Variants in DST observed in about 807,000 individuals in gnomAD.
DST encodes the protein bullous pemphigoid antigen.
A neutral mutation model predicts 875.2 loss-of-function variants in DST; 253 were observed. The observed-to-expected ratio is 0.29, with a 90% CI of 0.26 to 0.32. DST has a LOEUF of 0.32. Among genes scored for constraint, DST ranks in the 10% least tolerant of loss-of-function variants. DST has a pLI of 1.00. For missense variants in DST, 8,287 were observed against 9,111.6 expected (o/e 0.91, Z 3.68); for synonymous variants, 3,124 against 3,197.1 (o/e 0.98, Z 0.77).
intron 4 of DST, among the ~76,000 whole-genome samples, chr6:56,757,685 G>T (rs771306412): frequency 4.6e-5 from 7 of 152,148 alleles, no homozygotes; most frequent in Non-Finnish European, 7.4e-5. Context: ...TGAGCCCCTT[G>T]CCCCTTCTTC....
intron 69 of DST, among the ~76,000 whole-genome samples, chr6:56,522,095 T>C (rs1160850436): frequency 2.6e-5 from 4 of 152,142 alleles, no homozygotes; most frequent in Non-Finnish European, 5.9e-5. Context: ...GTGCAAGACA[T>C]TTTAAGTAGC....
At chr6:56,586,306 A>G (rs2098147232) in intron 49 of DST, among the ~76,000 whole-genome samples, 1 of 151,596 alleles carries the variant, frequency 6.6e-6, no homozygotes, top group African/African-American at 2.4e-5. Flanking sequence ...TATATTTAGG[A>G]TAGTTAGCTC....
chr6:56,590,342 T>C (rs1346460380), intron 49 of DST, among the ~76,000 whole-genome samples: 2 of 152,212 alleles, frequency 1.3e-5, no homozygotes, highest in African/African-American at 4.8e-5. Context: ...ATTACTTTTA[T>C]ATGCAGTATA....
intron 68 of DST, among the ~76,000 whole-genome samples, chr6:56,526,775 C>CAATT (rs1372472579): frequency 1.3e-5 from 2 of 149,008 alleles, no homozygotes; most frequent in Non-Finnish European, 1.5e-5. Flanking sequence ...GTTCAAAGAA[C>CAATT]AATTCATTTG....
rs1178322750 is a variant in DST at position 56,463,108 on chromosome 6, T to C, written c.23008A>G (p.Ser7670Gly). ...GCTTTACAAGGAGTTGACATTTTGCTGTTTGTCAACCATGGTTTACCATAA... is the reference window on the plus strand; with the variant it reads ...GCTTTACAAGGAGTTGACATTTTGCCGTTTGTCAACCATGGTTTACCATAA... ...RNYGKPWLTN[S>G]KMSTPCKAAE... is the part of the protein sequence containing the mutation. Residue 7670 changes from serine to glycine, a missense_variant, in exon 102 of 104, where the codon AGC (serine) becomes GGC (glycine). Around this residue, in one of 10 missense-constraint regions of DST, gnomAD observed 240 missense variants for 237.3 expected, o/e 1.01. Transcript: ENST00000680361. 6.2e-7 allele frequency: 1 copy of C among 1,613,738 alleles called. No individual in the cohort carries two copies. The highest frequency in any genetic ancestry group is 8.5e-7 in the Non-Finnish European group (1 of 1,179,792).
At chr6:56,877,396 A>T (rs1780046853) in intron 3 of DST, among the ~76,000 whole-genome samples, 1 of 152,170 alleles carries the variant, frequency 6.6e-6, no homozygotes, top group Non-Finnish European at 1.5e-5. Context: ...TCTACTAAAA[A>T]ATACAAAAAA....
intron 86 of DST, among the ~76,000 whole-genome samples, chr6:56,488,061 T>C (rs989889636): frequency 1.2e-4 from 18 of 152,188 alleles, no homozygotes; most frequent in South Asian, 2.1e-4. Context: ...TCATGGGTAA[T>C]AGGCAACTAC....
chr6:56,740,547 C>T (rs1307712756), intron 4 of DST, among the ~76,000 whole-genome samples: 2 of 152,212 alleles, frequency 1.3e-5, no homozygotes. Flanking sequence ...CTGACTTAAT[C>T]ATTTAACATT....
Position 56,946,119 on chromosome 6 carries a change from A to G in DST, c.216+7666T>C, listed in dbSNP as rs1819367393. On this transcript the variant is annotated intron_variant, in intron 2 of 103. Transcript: ENST00000680361. ...CCAAGACAGGGAATATCAAGTTATAAGTAGGAAGAGGATTCAGTGCAGAAA... is the reference window on the plus strand; with the variant it reads ...CCAAGACAGGGAATATCAAGTTATAGGTAGGAAGAGGATTCAGTGCAGAAA... 2.0e-5 allele frequency among the ~76,000 whole-genome samples: 3 copies of G among 152,134 alleles called. No individual in the cohort carries two copies. In the South Asian group the frequency reaches 6.2e-4, roughly 32 times the overall value.
rs376647921 is a variant in DST at position 56,561,484 on chromosome 6, G to A, written c.14134C>T (p.Leu4712Phe). 23 of 1,613,722 alleles carry A rather than the reference G, an allele frequency of 1.4e-5. No homozygotes were observed. The East Asian group carries it at 4.9e-4, about 34-fold the overall frequency. The change falls in exon 57 of 104, where the codon CTC becomes TTC. Residue 4712 changes from leucine (L) to phenylalanine (F), a missense_variant. Around this residue, in one of 10 missense-constraint regions of DST, gnomAD observed 1,513 missense variants for 1,677.8 expected, o/e 0.90. Transcript: ENST00000680361. ...TTCAGTTCCGCTATTTTGTCCTTGAGTAAGAGGCCAAGATCTTCATAACCA... is the reference window on the plus strand; with the variant it reads ...TTCAGTTCCGCTATTTTGTCCTTGAATAAGAGGCCAAGATCTTCATAACCA... ...SHGYEDLGLL[L>F]KDKIAELNTK...
Position 56,620,674 on chromosome 6 carries a change from T to G in DST, c.4929+3856A>C, listed in dbSNP as rs772863390. 3.1e-6 allele frequency: 5 copies of G among 1,614,162 alleles called. No individual in the cohort carries two copies. Among genetic ancestry groups the G allele is most frequent in the Non-Finnish European group, 4.2e-6 (5 of 1,180,032 alleles). ...TTGCCTTCTGACGCTGAAGCAGATC[T>G]GAATATGCCCCATGTTCAGAAGTCT... On this transcript the variant is annotated intron_variant, in intron 36 of 103. Coordinates refer to ENST00000680361, the MANE Select transcript of DST (RefSeq NM_001374736.1).
rs2098659592 is a variant in DST at position 56,619,048 on chromosome 6, T to C, written c.4930-4564A>G. On this transcript the variant is annotated intron_variant, in intron 36 of 103. Coordinates refer to ENST00000680361, the MANE Select transcript of DST (RefSeq NM_001374736.1). The stretch of plus-strand genomic sequence containing the variant: ...TCTGTTGGTCACACTTTTGCTTAAA[T>C]TCACTTACCAAATTTTGACTTTTCG... The C allele has an allele frequency of 1.2e-6, 2 of 1,614,188 alleles. No individual in the cohort carries two copies. Among genetic ancestry groups the C allele is most frequent in the Admixed American group, 3.3e-5 (2 of 60,022 alleles).
intron 4 of DST, among the ~76,000 whole-genome samples, chr6:56,821,667 T>G (rs1047025214): frequency 6.6e-6 from 1 of 152,212 alleles, no homozygotes; most frequent in Admixed American, 6.5e-5. Context: ...AAATGTACTG[T>G]CACTACAAAA....
intron 82 of DST, among the ~76,000 whole-genome samples, chr6:56,494,454 G>A (rs992069449): frequency 6.6e-6 from 1 of 152,142 alleles, no homozygotes; most frequent in Non-Finnish European, 1.5e-5. Flanking sequence ...ATGCTGTCAA[G>A]AAAGCTTTCA....
chr6:56,614,394 C>T lies in DST; in HGVS notation c.5020G>A (p.Ala1674Thr), dbSNP rs1168689573. Residue 1674 changes from alanine to threonine, a missense_variant, in exon 37 of 104, where the codon GCA becomes ACA. Ala to Thr is a moderately conservative substitution (Grantham distance 58, BLOSUM62 0). Coordinates refer to ENST00000680361, the MANE Select transcript of DST (RefSeq NM_001374736.1). ...VSNISKTLKDAEKAGKPPFSK... is the reference protein window; with the variant it reads ...VSNISKTLKDTEKAGKPPFSK... ...AAGGGAGGTTTTCCAGCCTTCTCTG[C>T]ATCTTTCAATGTCTTGCTGATATTT... 6 of 1,609,460 alleles carry T rather than the reference C, an allele frequency of 3.7e-6. No individual in the cohort carries two copies. The highest frequency in any genetic ancestry group is 2.7e-5 in the African/African-American group (2 of 74,726).
intron 2 of DST, among the ~76,000 whole-genome samples, chr6:56,907,459 A>T (rs1442306037): frequency 2.0e-5 from 3 of 152,234 alleles, no homozygotes; most frequent in African/African-American, 7.2e-5. Flanking sequence ...CCATTTAGGC[A>T]CTTAGCCTAT....
Position 56,605,625 on chromosome 6 carries a change from C to A in DST, c.9003G>T (p.Glu3001Asp), listed in dbSNP as rs1199834056. The change falls in exon 40 of 104, where the codon GAG (glutamate) becomes GAT (aspartate). Residue 3001 changes from glutamate (E) to aspartate (D), a missense_variant. Coordinates refer to ENST00000680361, the MANE Select transcript of DST (RefSeq NM_001374736.1). The stretch of plus-strand genomic sequence containing the variant: ...CAGCAGGTTTTCCTATTAAATCAGG[C>A]TCAGTACAAATGATGTGATCAAGAG... ...DSSLDHIICT[E>D]PDLIGKPAEE... 5 of 1,612,942 alleles carry A rather than the reference C, an allele frequency of 3.1e-6. No individual in the cohort carries two copies. The highest frequency in any genetic ancestry group is 4.2e-6 in the Non-Finnish European group (5 of 1,179,308).
chr6:56,548,602 G>A (rs2097267689), intron 61 of DST, among the ~76,000 whole-genome samples: 1 of 152,186 alleles, frequency 6.6e-6, no homozygotes, highest in South Asian at 2.1e-4. Context: ...GATAGGAGTA[G>A]GGATAGAGGG....
At position 56,509,753 on chromosome 6, in the gene DST, T is replaced by G. The variant is rs760583853; in HGVS notation, c.18901A>C (p.Asn6301His). The G allele has an allele frequency of 6.2e-7, 1 of 1,613,812 alleles. No individual in the cohort carries two copies. Among genetic ancestry groups the G allele is most frequent in the East Asian group, 2.2e-5 (1 of 44,870 alleles). The part of the protein sequence containing the change: ...KIKEQISENK[N>H]VSVDMEKLQP... ...AGCTTTTCCATGTCTACTGACACAT[T>G]CTTATTTTCACTGATCTGTTCCTTG... Residue 6301 changes from asparagine (N) to histidine (H), a missense_variant, in exon 74 of 104, where the codon AAT becomes CAT. Asn to His is a moderately conservative substitution (Grantham distance 68). This residue lies in a region of DST where 1,292 missense variants were observed against 1,552.7 expected (regional missense o/e 0.83). Coordinates refer to ENST00000680361, the MANE Select transcript of DST (RefSeq NM_001374736.1).
Sources: allele counts gnomAD v4.1 joint callset (sites outside exome capture counted in the v4.1 genomes callset), GRCh38; gene constraint gnomAD v4.1.1; regional missense constraint gnomAD v4.1.1; transcripts MANE v1.5; gene names NCBI Gene and HGNC (gene_info 2026-07-23, HGNC 2026-07-21).